SEMA5A: variants seen among roughly 807,000 people sequenced by gnomAD.
SEMA5A encodes the protein semaphorin 5A, also known as semaphorin-5A.
In SEMA5A, 55 loss-of-function variants were observed where a neutral mutation model predicts 135.5. The ratio of observed to expected loss-of-function variants is 0.41; its 90% confidence interval spans 0.33 to 0.51. SEMA5A has a LOEUF of 0.51. SEMA5A is among the 20% of genes least tolerant of loss of function. The probability of loss-of-function intolerance (pLI) is 0.37; values close to 1 mark genes in which losing one functional copy is unlikely to be tolerated. For synonymous variants in SEMA5A, 580 were observed against 546.5 expected, an observed-to-expected ratio of 1.06 and a Z score of -0.85; for missense variants, 1,290 against 1,419.9, an observed-to-expected ratio of 0.91 and a Z score of 1.47.
intron 1 of SEMA5A, among the ~76,000 whole-genome samples, chr5:9,543,988 T>C (rs1199506366): frequency 6.6e-6 from 1 of 152,202 alleles, no homozygotes; most frequent in South Asian, 2.1e-4. Context: ...TTGTGTAAAG[T>C]GGTCATGATA....
chr5:9,241,484 C>T (rs1057370791), intron 5 of SEMA5A, among the ~76,000 whole-genome samples: 2 of 148,946 alleles, frequency 1.3e-5, no homozygotes, highest in Admixed American at 1.4e-4. Context: ...GCCATATGCA[C>T]GTTAATCTCA....
chr5:9,477,806 T>C (rs757693960), intron 1 of SEMA5A, among the ~76,000 whole-genome samples: 1 of 152,206 alleles, frequency 6.6e-6, no homozygotes, highest in African/African-American at 2.4e-5. Context: ...ATTGGAAAAT[T>C]TGCAGTCTGA....
intron 18 of SEMA5A, 21 bp downstream of exon 18, chr5:9,062,866 T>C (rs1737259241): frequency 1.2e-6 from 2 of 1,613,334 alleles, no homozygotes; most frequent in African/African-American, 1.3e-5. Context: ...AGATGTTTTG[T>C]AGACTACACA....
rs540912245 is a variant in SEMA5A, at chr5:9,233,505, A to G, written c.333+4323T>C. Among the ~76,000 whole-genome samples the G allele has an allele frequency of 4.6e-5, 7 of 152,026 alleles. No homozygotes were observed. The South Asian group carries it at 1.3e-3, about 27-fold the overall frequency. On this transcript the variant is annotated intron_variant, in intron 6 of 22. Transcript: ENST00000382496. ...ATGGAATATTTAAGCCATTGCAGGCAAAGGCACTCCCTCTTTCCCAAGGGA... is the reference window on the plus strand; with the variant it reads ...ATGGAATATTTAAGCCATTGCAGGCGAAGGCACTCCCTCTTTCCCAAGGGA...
At chr5:9,109,631 A>C (rs1030252225) in intron 15 of SEMA5A, among the ~76,000 whole-genome samples, 1 of 152,184 alleles carries the variant, frequency 6.6e-6, no homozygotes, top group African/African-American at 2.4e-5. Flanking sequence ...AAAGGTTCCC[A>C]TCTGCTGGTG....
intron 6 of SEMA5A, among the ~76,000 whole-genome samples, chr5:9,227,551 AT>A (rs10691747): frequency 1.4e-5 from 2 of 141,028 alleles, no homozygotes; most frequent in African/African-American, 2.6e-5. Context: ...ATCTATATGA[AT>A]TTTTTTTTTT....
At chr5:9,107,159 G>A (rs915831633) in intron 16 of SEMA5A, among the ~76,000 whole-genome samples, 18 of 152,162 alleles carry the variant, frequency 1.2e-4, no homozygotes, top group Admixed American at 2.6e-4. Context: ...AGACCTTCTC[G>A]TGCTGAGCTT....
At chr5:9,182,281 T>C (rs954277623) in intron 11 of SEMA5A, among the ~76,000 whole-genome samples, 5 of 151,868 alleles carry the variant, frequency 3.3e-5, no homozygotes, top group Non-Finnish European at 5.9e-5. Flanking sequence ...CCACGAGAAG[T>C]ATCAACTGTC....
At chr5:9,494,249 C>T (rs756838489) in intron 1 of SEMA5A, among the ~76,000 whole-genome samples, 1 of 152,122 alleles carries the variant, frequency 6.6e-6, no homozygotes, top group Non-Finnish European at 1.5e-5. Flanking sequence ...AAACAGGACA[C>T]ATCAAAGTTA....
intron 16 of SEMA5A, among the ~76,000 whole-genome samples, chr5:9,094,557 C>T (rs1384404116): frequency 1.3e-5 from 2 of 152,218 alleles, no homozygotes; most frequent in Non-Finnish European, 2.9e-5. Context: ...ATCTGTCTGC[C>T]TCTGCCATTT....
At position 9,154,535 on chromosome 5, in the gene SEMA5A, G is replaced by T. The variant is rs1224449066; in HGVS notation, c.1434C>A (p.His478Gln). The change falls in exon 12 of 23, where the codon CAC becomes CAA. Residue 478 changes from histidine (H) to glutamine (Q), a missense_variant. By Grantham distance (24) the His-to-Gln change is conservative (BLOSUM62 0). Transcript: ENST00000382496. The stretch of plus-strand genomic sequence containing the variant: ...ACCTCTTCAGGGGGATCTTGACCAC[G>T]TGCTCCCGCAGGCCCACGAACAGGA... ...QSVLFVGLREHVVKIPLKRCQ... is the reference protein window; with the variant it reads ...QSVLFVGLREQVVKIPLKRCQ... 6.2e-7 allele frequency: 1 copy of T among 1,612,616 alleles called. No individual in the cohort carries two copies.
intron 1 of SEMA5A, among the ~76,000 whole-genome samples, chr5:9,499,596 G>A (rs896897774): frequency 1.3e-5 from 2 of 152,212 alleles, no homozygotes; most frequent in Non-Finnish European, 2.9e-5. Flanking sequence ...ATAAACTAAT[G>A]TATGAACAGG....
intron 5 of SEMA5A, among the ~76,000 whole-genome samples, chr5:9,268,063 G>T (rs1749775199): frequency 6.6e-6 from 1 of 152,070 alleles, no homozygotes; most frequent in African/African-American, 2.4e-5. Context: ...ATGCTAATTT[G>T]TGCCTTCTGA....
chr5:9,086,507 A>G (rs974423773), intron 16 of SEMA5A, among the ~76,000 whole-genome samples: 2 of 152,118 alleles, frequency 1.3e-5, no homozygotes, highest in Non-Finnish European at 2.9e-5. Context: ...GCCATTTGAG[A>G]TGTGCCTTTC....
At chr5:9,168,232 A>G (rs373531204) in intron 11 of SEMA5A, among the ~76,000 whole-genome samples, 4 of 152,160 alleles carry the variant, frequency 2.6e-5, no homozygotes, top group Admixed American at 1.3e-4. Context: ...CCTGAGATGG[A>G]CCTTCCAGGT....
At chr5:9,493,757 C>A (rs1223304217) in intron 1 of SEMA5A, among the ~76,000 whole-genome samples, 2 of 152,158 alleles carry the variant, frequency 1.3e-5, no homozygotes, top group African/African-American at 2.4e-5. Flanking sequence ...AATATGATTT[C>A]TTTGATGCAC....
intron 1 of SEMA5A, among the ~76,000 whole-genome samples, chr5:9,522,433 A>G (rs1212416564): frequency 6.6e-6 from 1 of 151,952 alleles, no homozygotes; most frequent in Non-Finnish European, 1.5e-5. Context: ...AAATACAAAC[A>G]TTTGCTGGGC....
chr5:9,353,078 G>T (rs1754206935), intron 3 of SEMA5A, among the ~76,000 whole-genome samples: 2 of 24,700 alleles, frequency 8.1e-5, no homozygotes, highest in Non-Finnish European at 1.8e-4. Context: ...GGAAAGGAAA[G>T]GAAAGGAAAG....
At chr5:9,379,739 G>A (rs1053246028) in intron 3 of SEMA5A, 84 bp downstream of exon 3, 27 of 1,483,568 alleles carry the variant, frequency 1.8e-5, no homozygotes, top group African/African-American at 1.3e-4. Context: ...TACAGCATTC[G>A]TGATGCTCTA....
Sources: gnomAD v4.1 joint callset for allele counts (sites outside exome capture counted in the v4.1 genomes callset) on GRCh38, gnomAD v4.1.1 for gene constraint, MANE v1.5 for transcripts, NCBI Gene and HGNC (gene_info 2026-07-23, HGNC 2026-07-21) for gene names.